The following C1orf105 variants were observed in gnomAD, a reference collection of about 807,000 sequenced individuals.
C1orf105 encodes chromosome 1 open reading frame 105, also known as uncharacterized protein C1orf105.
A neutral mutation model predicts 20.8 loss-of-function variants in C1orf105; 17 were observed. The observed-to-expected ratio is 0.82, with a 90% CI of 0.56 to 1.23. C1orf105 has a LOEUF of 1.23. Ranked by LOEUF, C1orf105 falls within the 50% of genes most tolerant of loss-of-function variation. C1orf105 has a pLI of 0.00. For synonymous variants in C1orf105, 72 were observed against 72.1 expected (o/e 1.00, Z 0.01); for missense variants, 219 against 213.5 (o/e 1.03, Z -0.16).
At chr1:172,444,122 C>T (rs933410529) in intron 1 of C1orf105, 43 of 991,216 alleles carry the variant, frequency 4.3e-5, no homozygotes, top group African/African-American at 3.1e-4. Context: ...CACCCTTCCC[C>T]GGCTGGAACC....
In C1orf105 at chr1:172,462,167, T is replaced by A. The variant is rs1649740349; in HGVS notation, c.274-11T>A. 1 of 1,601,050 alleles carries A rather than the reference T, an allele frequency of 6.2e-7. No homozygotes were observed. Among genetic ancestry groups the A allele is most frequent in the Non-Finnish European group, 8.5e-7 (1 of 1,171,760 alleles). On this transcript the variant is annotated splice_polypyrimidine_tract_variant and intron_variant, in intron 4 of 6. Coordinates refer to ENST00000367727, the MANE Select transcript of C1orf105 (RefSeq NM_139240.4). ...TACAGGCAACGTTCTAAATGAGACT[T>A]TCTTCTTGAGGTACAACCAAGAACA...
At chr1:172,452,685 C>A in intron 3 of C1orf105, 4 of 703,924 alleles carry the variant, frequency 5.7e-6, no homozygotes, top group Non-Finnish European at 7.0e-6. Flanking sequence ...GAGGATGTTT[C>A]CAATTGTCAA....
intron 2 of C1orf105, among the ~76,000 whole-genome samples, chr1:172,448,125 C>A (rs1175956715): frequency 6.6e-6 from 1 of 152,178 alleles, no homozygotes; most frequent in African/African-American, 2.4e-5. Flanking sequence ...TGAGTGCAGA[C>A]CCTTTCAAAG....
At chr1:172,463,688 G>T (rs1042853192) in intron 5 of C1orf105, among the ~76,000 whole-genome samples, 1 of 152,126 alleles carries the variant, frequency 6.6e-6, no homozygotes, top group Non-Finnish European at 1.5e-5. Context: ...GAAATTTGTT[G>T]CCCCATTTTA....
At chr1:172,466,725 C>T (rs1650091581) in intron 6 of C1orf105, among the ~76,000 whole-genome samples, 1 of 152,144 alleles carries the variant, frequency 6.6e-6, no homozygotes, top group East Asian at 1.9e-4. Context: ...TGGGAGTATA[C>T]TTCAATTAGC....
chr1:172,437,610 G>A (rs946901707), intron 1 of C1orf105, among the ~76,000 whole-genome samples: 1 of 149,990 alleles, frequency 6.7e-6, no homozygotes, highest in Non-Finnish European at 1.5e-5. Flanking sequence ...GGGAGGGATA[G>A]CATTAGGATA....
rs1649752077 is a variant in C1orf105, at chr1:172,462,259, T to G, written c.341+14T>G. 2.5e-6 allele frequency: 4 copies of G among 1,578,472 alleles called. No individual in the cohort carries two copies. The Admixed American group carries it at 7.0e-5, about 28-fold the overall frequency. ...TATGAGTTATAGGTAAGTCAACAAT[T>G]TAAATCAGGACATGACTTAATTCTT... On this transcript the variant is annotated intron_variant, in intron 5 of 6. Transcript: ENST00000367727.
intron 5 of C1orf105, among the ~76,000 whole-genome samples, chr1:172,463,844 A>G (rs1004274900): frequency 3.9e-5 from 6 of 152,234 alleles, no homozygotes; most frequent in African/African-American, 1.4e-4. Context: ...AACCAGACGT[A>G]TCATGAGATT....
At chr1:172,459,819 A>T (rs568884197) in intron 4 of C1orf105, among the ~76,000 whole-genome samples, 32 of 152,326 alleles carry the variant, frequency 2.1e-4, no homozygotes, top group African/African-American at 6.7e-4. Context: ...GGCTTGATTA[A>T]TGGATAAACA....
At position 172,441,741 on chromosome 1, in the gene C1orf105, C is replaced by G. The variant is rs186506600; in HGVS notation, c.22-3332C>G. On this transcript the variant is annotated intron_variant, in intron 1 of 6. Transcript: ENST00000367727. ...TGGATGTCCTAATTTAACTGAGGAACCTGGACAAGTCTTCCTTGATTTCAG... is the reference window on the plus strand; with the variant it reads ...TGGATGTCCTAATTTAACTGAGGAAGCTGGACAAGTCTTCCTTGATTTCAG... The G allele has an allele frequency of 2.3e-5, 36 of 1,548,188 alleles. 1 individual carries two copies. In the South Asian group the frequency reaches 3.9e-4, roughly 17 times the overall value.
intron 1 of C1orf105, among the ~76,000 whole-genome samples, chr1:172,425,693 G>C (rs745710783): frequency 2.6e-5 from 4 of 152,092 alleles, no homozygotes; most frequent in Non-Finnish European, 4.4e-5. Flanking sequence ...TTAGAAGTTT[G>C]CACTGTTCTG....
intron 1 of C1orf105, among the ~76,000 whole-genome samples, chr1:172,426,952 A>C (rs577481541): frequency 7.9e-5 from 12 of 152,350 alleles, no homozygotes; most frequent in African/African-American, 2.4e-4. Context: ...GTAACTGTAC[A>C]TGGTCTGGAA....
In C1orf105 at chr1:172,468,592, T is replaced by C; in HGVS notation, c.550T>C (p.Ter184ArgextTer39). ...KEPIGKTTRQ[*>R] is the part of the protein sequence containing the mutation. ...ACCAATAGGCAAGACAACGAGGCAG[T>C]GAGCGGTAGGAGCTCATCACCTCCC... is the stretch of plus-strand genomic sequence containing the variant. Residue 184 changes from the stop codon to arginine (R), a stop_lost, in exon 7 of 7, where the codon TGA (stop) becomes CGA (arginine). Coordinates refer to ENST00000367727, the MANE Select transcript of C1orf105 (RefSeq NM_139240.4). 11 of 1,613,132 alleles carry C rather than the reference T, an allele frequency of 6.8e-6. No individual in the cohort carries two copies. Among genetic ancestry groups the C allele is most frequent in the Non-Finnish European group, 9.3e-6 (11 of 1,179,358 alleles).
intron 4 of C1orf105, among the ~76,000 whole-genome samples, chr1:172,461,289 T>G (rs576165383): frequency 6.6e-6 from 1 of 152,304 alleles, no homozygotes; most frequent in South Asian, 2.1e-4. Context: ...TTTTTGCTAT[T>G]TTCAAGCACC....
At chr1:172,457,933 T>G (rs750195552) in intron 4 of C1orf105, among the ~76,000 whole-genome samples, 1 of 152,240 alleles carries the variant, frequency 6.6e-6, no homozygotes, top group Non-Finnish European at 1.5e-5. Flanking sequence ...CCTCACTCTA[T>G]GCAGTAATAC....
At chr1:172,453,247 G>C in intron 3 of C1orf105, 1 of 1,514,544 alleles carries the variant, frequency 6.6e-7, no homozygotes, top group South Asian at 1.2e-5. Flanking sequence ...AGTGTAAAGG[G>C]ACAGGATTAG....
At chr1:172,436,902 A>G (rs2072056366) in intron 1 of C1orf105, among the ~76,000 whole-genome samples, 1 of 152,236 alleles carries the variant, frequency 6.6e-6, no homozygotes, top group Non-Finnish European at 1.5e-5. Context: ...CAAGAAAAAA[A>G]CAACCCCATC....
At chr1:172,432,375 C>G (rs1216143389) in intron 1 of C1orf105, among the ~76,000 whole-genome samples, 2 of 152,204 alleles carry the variant, frequency 1.3e-5, no homozygotes, top group East Asian at 3.8e-4. Context: ...GGGTGCCTCT[C>G]TGGGACGAAG....
At chr1:172,444,400 T>G in intron 1 of C1orf105, 7 of 656,348 alleles carry the variant, frequency 1.1e-5, no homozygotes, top group Non-Finnish European at 1.3e-5. Context: ...CGTGCATCCA[T>G]GCGTTCATTC....
Sources: allele counts gnomAD v4.1 joint callset (sites outside exome capture counted in the v4.1 genomes callset), GRCh38; gene constraint gnomAD v4.1.1; transcripts MANE v1.5; gene names NCBI Gene and HGNC (gene_info 2026-07-23, HGNC 2026-07-21).